Variants in GALNT10 observed in about 807,000 individuals in gnomAD.
The protein encoded by GALNT10 is polypeptide N-acetylgalactosaminyltransferase 10, also known as GalNAc transferase 10.
GALNT10 carries 41 observed loss-of-function variants against 75.0 expected under a neutral mutation model. The observed-to-expected ratio is 0.55, with a 90% CI of 0.43 to 0.71. GALNT10 has a LOEUF of 0.71. Among genes scored for constraint, GALNT10 ranks in the 30% least tolerant of loss-of-function variants. The probability of loss-of-function intolerance (pLI) is 0.00; values close to 1 mark genes in which losing one functional copy is unlikely to be tolerated. For missense variants in GALNT10, 727 were observed against 818.5 expected (o/e 0.89, Z 1.36); for synonymous variants, 302 against 313.0 (o/e 0.96, Z 0.37).
rs374919079 is a variant in GALNT10 at position 154,416,765 on chromosome 5, G to A, written c.1654-49G>A. ...CTGGTATTGTTGCTGTGGTTTGACT[G>A]GCCACATGTCTCCAGTGCTGTCTGG... On this transcript the variant is annotated intron_variant, in intron 11 of 11. Transcript: ENST00000297107. This position sits in a 1 kb window ranked among gnomAD's most constrained non-coding sequence, Gnocchi z 4.5. 8.7e-6 allele frequency: 12 copies of A among 1,380,410 alleles called. No homozygotes were observed. Among genetic ancestry groups the A allele is most frequent in the Non-Finnish European group, 1.1e-5 (11 of 969,964 alleles). The allele number at this position is 1,380,410 out of a possible 1,614,324, so 85.5% of individuals were successfully genotyped here.
intron 1 of GALNT10, among the ~76,000 whole-genome samples, chr5:154,212,988 A>G (rs181878780): frequency 1.8e-3 from 278 of 151,412 alleles, no homozygotes; most frequent in African/African-American, 6.4e-3. Flanking sequence ...AAAAAAGATC[A>G]CAGGCTCCAG....
chr5:154,356,710 G>A (rs1755303053), intron 4 of GALNT10, among the ~76,000 whole-genome samples: 1 of 152,204 alleles, frequency 6.6e-6, no homozygotes, highest in Admixed American at 6.5e-5. Context: ...GGGCTCCAGG[G>A]TGTACAGGGT....
rs145082914 is a variant in GALNT10, at chr5:154,270,317, C to G, written c.160-24499C>G. 1.4e-3 allele frequency among the ~76,000 whole-genome samples: 212 copies of G among 149,654 alleles called. 1 individual carries two copies. Among genetic ancestry groups the G allele is most frequent in the African/African-American group, 5.2e-3 (210 of 40,508 alleles). ...TCTAGCTCTATTATTTTACTTAGTT[C>G]TATGTAGTCTAATTGTGTGACTGGA... is the stretch of plus-strand genomic sequence containing the variant. On this transcript the variant is annotated intron_variant, in intron 1 of 11. Coordinates refer to ENST00000297107, the MANE Select transcript of GALNT10 (RefSeq NM_198321.4).
At chr5:154,372,381 G>T (rs1246241823) in intron 4 of GALNT10, among the ~76,000 whole-genome samples, 1 of 152,230 alleles carries the variant, frequency 6.6e-6, no homozygotes, top group Non-Finnish European at 1.5e-5. Context: ...CTGTGCTGAA[G>T]TAATCACTGT....
At chr5:154,316,928 G>A (rs1468785189) in intron 3 of GALNT10, among the ~76,000 whole-genome samples, 1 of 152,182 alleles carries the variant, frequency 6.6e-6, no homozygotes. Flanking sequence ...CAGGAGCTGT[G>A]AAATCTTTGC....
chr5:154,300,409 C>T (rs1158265310), intron 3 of GALNT10, among the ~76,000 whole-genome samples: 1 of 152,172 alleles, frequency 6.6e-6, no homozygotes, highest in Non-Finnish European at 1.5e-5. Context: ...GTTTTTTAAA[C>T]TACAAAGGCC....
chr5:154,420,912 T>G lies in GALNT10; in HGVS notation c.*3940T>G, dbSNP rs1157969031. 2 of 152,242 alleles carry G rather than the reference T, an allele frequency of 1.3e-5. No homozygotes were observed. The highest frequency in any genetic ancestry group is 2.9e-5 in the Non-Finnish European group (2 of 68,052). The allele number at this position is 152,242 out of a possible 1,614,324, so 9.4% of individuals were successfully genotyped here. On this transcript the variant is annotated 3_prime_UTR_variant, in exon 12 of 12. Coordinates refer to ENST00000297107, the MANE Select transcript of GALNT10 (RefSeq NM_198321.4). ...CCTCCTGCCTGGAAAAATAAGCCTT[T>G]GTGAAAGACTGATTTACCATGTACA...
intron 1 of GALNT10, among the ~76,000 whole-genome samples, chr5:154,199,551 C>T (rs1181951849): frequency 6.6e-6 from 1 of 152,174 alleles, no homozygotes; most frequent in Non-Finnish European, 1.5e-5. Flanking sequence ...TTTGGAATCC[C>T]TCTCCTGTGG....
intron 1 of GALNT10, among the ~76,000 whole-genome samples, chr5:154,255,150 T>C (rs908630962): frequency 6.6e-6 from 1 of 152,096 alleles, no homozygotes; most frequent in Non-Finnish European, 1.5e-5. Flanking sequence ...GAGAAAATCC[T>C]TTCCCTAACT....
intron 1 of GALNT10, among the ~76,000 whole-genome samples, chr5:154,204,272 A>G (rs913351567): frequency 5.9e-5 from 9 of 152,124 alleles, no homozygotes; most frequent in African/African-American, 1.7e-4. Context: ...GCTGGATCTG[A>G]CTGCATCTCT....
At chr5:154,392,934 G>A (rs1277872220) in intron 7 of GALNT10, 1 of 151,722 alleles carries the variant, frequency 6.6e-6, no homozygotes, top group Admixed American at 6.6e-5. Flanking sequence ...AGATTTATTT[G>A]CTGAAGTGTT....
chr5:154,265,261 A>G (rs1171125310), intron 1 of GALNT10, among the ~76,000 whole-genome samples: 4 of 152,176 alleles, frequency 2.6e-5, no homozygotes, highest in Non-Finnish European at 5.9e-5. Flanking sequence ...AAATTTGTGC[A>G]CATCCCTTCC....
At chr5:154,229,153 G>A (rs529152666) in intron 1 of GALNT10, among the ~76,000 whole-genome samples, 1 of 152,304 alleles carries the variant, frequency 6.6e-6, no homozygotes, top group Admixed American at 6.5e-5. Flanking sequence ...AGAACCAGAG[G>A]AGGAAGGTAC....
chr5:154,207,579 G>A (rs569556816), intron 1 of GALNT10, among the ~76,000 whole-genome samples: 6 of 152,284 alleles, frequency 3.9e-5, no homozygotes, highest in Admixed American at 1.3e-4. Flanking sequence ...CAGTGGACCC[G>A]GACGGGCAGG....
chr5:154,286,499 T>C (rs541573048), intron 1 of GALNT10, among the ~76,000 whole-genome samples: 56 of 152,338 alleles, frequency 3.7e-4, no homozygotes, highest in African/African-American at 1.3e-3. Flanking sequence ...ATTTGCCCTT[T>C]AGATAACAGA....
rs186571619 is a variant in GALNT10, at chr5:154,307,916, A to T, written c.401+9837A>T. 1.7e-3 allele frequency among the ~76,000 whole-genome samples: 254 copies of T among 151,266 alleles called. 2 individuals carry two copies. The South Asian group carries it at 0.024, about 14-fold the overall frequency. ...GGTTGTATGTTTAGTGAAAAATAAT[A>T]ACAATAAAGTATGAAAAGAAAAACC... On this transcript the variant is annotated intron_variant, in intron 3 of 11. Transcript: ENST00000297107.
At chr5:154,295,443 A>G (rs111962499) in intron 2 of GALNT10, among the ~76,000 whole-genome samples, 2 of 119,042 alleles carry the variant, frequency 1.7e-5, no homozygotes, top group Non-Finnish European at 3.7e-5. Flanking sequence ...TTGCACAGAA[A>G]GAGAGGCAAA....
At chr5:154,231,730 G>A (rs994350142) in intron 1 of GALNT10, among the ~76,000 whole-genome samples, 2 of 152,128 alleles carry the variant, frequency 1.3e-5, no homozygotes, top group African/African-American at 2.4e-5. Flanking sequence ...CTTATCTCAA[G>A]GCCATACATG....
At chr5:154,250,456 A>C (rs750798665) in intron 1 of GALNT10, among the ~76,000 whole-genome samples, 1 of 152,198 alleles carries the variant, frequency 6.6e-6, no homozygotes, top group Non-Finnish European at 1.5e-5. Flanking sequence ...GGGTTAATTC[A>C]TTCAGTGGCT....
Sources: gnomAD v4.1 joint callset for allele counts (sites outside exome capture counted in the v4.1 genomes callset) on GRCh38, gnomAD v4.1.1 for gene constraint, Gnocchi (gnomAD v3.1) non-coding constraint, MANE v1.5 for transcripts, NCBI Gene and HGNC (gene_info 2026-07-23, HGNC 2026-07-21) for gene names.